Variants in UNC5A observed in about 807,000 individuals in gnomAD.
The protein encoded by UNC5A is netrin receptor UNC5A.
UNC5A carries 20 observed loss-of-function variants against 87.4 expected under a neutral mutation model. The ratio of observed to expected loss-of-function variants is 0.23; its 90% CI spans 0.16 to 0.33. The LOEUF (loss-of-function observed/expected upper bound fraction) is 0.33, where lower values mean the gene tolerates loss of function less well. Among genes scored for constraint, UNC5A ranks in the 10% least tolerant of loss-of-function variants. The pLI, the probability that UNC5A is intolerant of heterozygous loss-of-function variation, is 1.00. For missense variants in UNC5A, 844 were observed against 1,133.4 expected, an observed-to-expected ratio of 0.74 and a Z score of 3.67; for synonymous variants, 438 against 482.3, an observed-to-expected ratio of 0.91 and a Z score of 1.20.
chr5:176,815,994 C>T (rs889721065), intron 1 of UNC5A, among the ~76,000 whole-genome samples: 1 of 152,380 alleles, frequency 6.6e-6, no homozygotes, highest in African/African-American at 2.4e-5. Context: ...CAGAGTGGGG[C>T]AGGAGCCCTG....
intron 1 of UNC5A, among the ~76,000 whole-genome samples, chr5:176,835,512 C>A (rs143149201): frequency 1.3e-5 from 2 of 152,228 alleles, no homozygotes; most frequent in African/African-American, 2.4e-5. Context: ...TCCGACTCAT[C>A]GCTCCCTGTG....
At position 176,844,283 on chromosome 5, in the gene UNC5A, G is replaced by A. The variant is rs1055770201; in HGVS notation, c.71-18341G>A. Among the ~76,000 whole-genome samples, 1 of 152,168 alleles carries A rather than the reference G, an allele frequency of 6.6e-6. No individual in the cohort carries two copies. The highest frequency in any genetic ancestry group is 2.4e-5 in the African/African-American group (1 of 41,448). On this transcript the variant is annotated intron_variant, in intron 1 of 14. Transcript: ENST00000329542. This position sits in a 1 kb window ranked among gnomAD's most constrained non-coding sequence, Gnocchi z 4.2. ...TCCTGGTATCCCGTGGGCCACCGGG[G>A]TTCTCTTGGTGGGTGTGGCACAGCT...
chr5:176,842,336 T>C (rs1231930463), intron 1 of UNC5A, among the ~76,000 whole-genome samples: 1 of 152,256 alleles, frequency 6.6e-6, no homozygotes, highest in African/African-American at 2.4e-5. Flanking sequence ...AGCTACCCTT[T>C]AATCCAGGAA....
intron 1 of UNC5A, among the ~76,000 whole-genome samples, chr5:176,860,830 G>A (rs756852069): frequency 1.5e-4 from 23 of 152,022 alleles, no homozygotes; most frequent in African/African-American, 5.6e-4. Context: ...CGGAACATGC[G>A]GGGGGCAGTT....
chr5:176,839,409 G>C (rs537064675), intron 1 of UNC5A, among the ~76,000 whole-genome samples: 2 of 152,224 alleles, frequency 1.3e-5, no homozygotes, highest in African/African-American at 4.8e-5. Context: ...TGCCTCCCAG[G>C]GCCCATGTGC....
intron 2 of UNC5A, among the ~76,000 whole-genome samples, chr5:176,864,013 C>T (rs1234647518): frequency 6.6e-6 from 1 of 151,570 alleles, no homozygotes; most frequent in Non-Finnish European, 1.5e-5. Flanking sequence ...AGCACACATA[C>T]CCTGTCGAGG....
In UNC5A at chr5:176,870,456, G is replaced by A; in HGVS notation, c.808G>A (p.Ala270Thr). ...GCGGAGCCGTGAGTGCTCTGACCCA[G>A]CACCCCGCAACGGAGGGGAGGAGTG... ...HWRSRECSDP[A>T]PRNGGEECQG... is the part of the protein sequence containing the mutation. Residue 270 changes from alanine (A) to threonine (T), a missense_variant, in exon 6 of 15, where the codon GCA (alanine) becomes ACA (threonine). By Grantham distance (58) the Ala-to-Thr change is moderately conservative (BLOSUM62 0). Around this residue, in one of 3 missense-constraint regions of UNC5A, gnomAD observed 314 missense variants for 466.5 expected, o/e 0.67. Coordinates refer to ENST00000329542, the MANE Select transcript of UNC5A (RefSeq NM_133369.3). 6.2e-7 allele frequency: 1 copy of A among 1,611,806 alleles called. No homozygotes were observed. The highest frequency in any genetic ancestry group is 2.2e-5 in the East Asian group (1 of 44,828).
intron 1 of UNC5A, among the ~76,000 whole-genome samples, chr5:176,822,385 G>A (rs1258685673): frequency 6.6e-6 from 1 of 152,194 alleles, no homozygotes; most frequent in African/African-American, 2.4e-5. Context: ...ATCTTCGATT[G>A]ATGAAACTAG....
At chr5:176,858,717 G>C (rs1260554583) in intron 1 of UNC5A, among the ~76,000 whole-genome samples, 1 of 28,924 alleles carries the variant, frequency 3.5e-5, no homozygotes, top group Non-Finnish European at 7.2e-5. Context: ...AAGAAAGAGA[G>C]AGAGAGAAGG....
chr5:176,845,294 C>G (rs188292260), intron 1 of UNC5A, among the ~76,000 whole-genome samples: 1 of 152,234 alleles, frequency 6.6e-6, no homozygotes, highest in Non-Finnish European at 1.5e-5. Flanking sequence ...AGTCTTCTGC[C>G]GCCCCTGCTT....
rs1757969731 is a variant in UNC5A at position 176,866,132 on chromosome 5, G to A, written c.293-1998G>A. 6.6e-6 allele frequency among the ~76,000 whole-genome samples: 1 copy of A among 152,136 alleles called. No individual in the cohort carries two copies. The highest frequency in any genetic ancestry group is 1.5e-5 in the Non-Finnish European group (1 of 68,002). On this transcript the variant is annotated intron_variant, in intron 2 of 14. Coordinates refer to ENST00000329542, the MANE Select transcript of UNC5A (RefSeq NM_133369.3). This position sits in a 1 kb window ranked among gnomAD's most constrained non-coding sequence, Gnocchi z 5.0. ...CCCACTGGCCCGGGGTCCCTCCCCA[G>A]GGCTGGCACCTGCTCACACTTATGG...
intron 1 of UNC5A, among the ~76,000 whole-genome samples, chr5:176,859,929 A>G (rs1757793107): frequency 3.3e-5 from 5 of 152,250 alleles, no homozygotes; most frequent in Admixed American, 3.3e-4. Flanking sequence ...GCCCTGGAGA[A>G]GTGAGCTATG....
intron 1 of UNC5A, among the ~76,000 whole-genome samples, chr5:176,858,833 C>T (rs540325640): frequency 2.4e-4 from 36 of 151,806 alleles, no homozygotes; most frequent in East Asian, 9.7e-4. Context: ...AGGAAGCTCA[C>T]GCTAGTAGCC....
Position 176,879,934 on chromosome 5 carries a change from C to G in UNC5A, c.*48C>G. 1.9e-6 allele frequency: 3 copies of G among 1,573,432 alleles called. No individual in the cohort carries two copies. Among genetic ancestry groups the G allele is most frequent in the Middle Eastern group, 1.9e-4 (1 of 5,156 alleles). ...CACTCTCACCAGCTTTGGCACCCAC[C>G]AAGGACAGGCAGAAGCCGGACAGGG... On this transcript the variant is annotated 3_prime_UTR_variant, in exon 15 of 15. Transcript: ENST00000329542.
At chr5:176,831,092 C>T (rs1001005348) in intron 1 of UNC5A, among the ~76,000 whole-genome samples, 9 of 152,062 alleles carry the variant, frequency 5.9e-5, no homozygotes, top group Admixed American at 6.5e-5. Flanking sequence ...CCCCCACCTC[C>T]GTGCCTCGGG....
rs376531685 is a variant in UNC5A, at chr5:176,869,671, G to A, written c.722-699G>A. The A allele has an allele frequency of 1.1e-5, 8 of 698,354 alleles. No individual in the cohort carries two copies. Among genetic ancestry groups the A allele is most frequent in the Admixed American group, 2.0e-5 (1 of 49,510 alleles). The allele number at this position is 698,354 out of a possible 1,614,324, so 43.3% of individuals were successfully genotyped here. ...TCCGTCTGCAGCGCCAGCTGTGGGC[G>A]CGGCTGGCAGAAACGGAGCCGGAGC... On this transcript the variant is annotated intron_variant, in intron 5 of 14. Coordinates refer to ENST00000329542, the MANE Select transcript of UNC5A (RefSeq NM_133369.3). The surrounding 1 kb of genome is among the most constrained non-coding windows in gnomAD (Gnocchi z 9.1).
chr5:176,849,184 C>T (rs185062742), intron 1 of UNC5A, among the ~76,000 whole-genome samples: 7 of 152,262 alleles, frequency 4.6e-5, no homozygotes, highest in African/African-American at 9.6e-5. Flanking sequence ...TTTGCCCTGC[C>T]GACTTGTTTG....
At chr5:176,862,353 T>A (rs925347854) in intron 1 of UNC5A, among the ~76,000 whole-genome samples, 9 of 152,132 alleles carry the variant, frequency 5.9e-5, no homozygotes, top group Admixed American at 4.6e-4. Flanking sequence ...CCAGGCCACC[T>A]CGGTGCTGGG....
At chr5:176,813,884 G>A (rs1435814279) in intron 1 of UNC5A, among the ~76,000 whole-genome samples, 1 of 152,194 alleles carries the variant, frequency 6.6e-6, no homozygotes, top group Non-Finnish European at 1.5e-5. Flanking sequence ...GTGTGTCCAC[G>A]CATATGCATG....
Sources: allele counts gnomAD v4.1 joint callset (sites outside exome capture counted in the v4.1 genomes callset), GRCh38; gene constraint gnomAD v4.1.1; regional missense constraint gnomAD v4.1.1; non-coding constraint Gnocchi (gnomAD v3.1); transcripts MANE v1.5; gene names NCBI Gene and HGNC (gene_info 2026-07-23, HGNC 2026-07-21).